Variants in MINK1 observed in about 807,000 individuals in gnomAD.
MINK1 encodes misshapen like kinase 1, also known as misshapen-like kinase 1.
A neutral mutation model predicts 178.4 loss-of-function variants in MINK1; 46 were observed. The ratio of observed to expected loss-of-function variants is 0.26; its 90% confidence interval spans 0.20 to 0.33. The LOEUF (loss-of-function observed/expected upper bound fraction) is 0.33, where lower values mean the gene tolerates loss of function less well. Among genes scored for constraint, MINK1 ranks in the 10% least tolerant of loss-of-function variants. MINK1 has a pLI of 1.00. For synonymous variants in MINK1, 797 were observed against 709.7 expected (o/e 1.12, Z -1.96); for missense variants, 1,366 against 1,814.9 (o/e 0.75, Z 4.49).
chr17:4,852,014 A>C (rs975624218), intron 1 of MINK1, among the ~76,000 whole-genome samples: 2 of 151,406 alleles, frequency 1.3e-5, no homozygotes, highest in Non-Finnish European at 2.9e-5. Flanking sequence ...AAAAAAAAAA[A>C]AAAAAAAAAA....
Position 4,895,249 on chromosome 17 carries a change from C to A in MINK1, c.3085+7C>A, listed in dbSNP as rs772909930. On this transcript the variant is annotated splice_region_variant and intron_variant, in intron 25 of 31. Coordinates refer to ENST00000355280, the MANE Select transcript of MINK1 (RefSeq NM_153827.5). This position sits in a 1 kb window ranked among gnomAD's most constrained non-coding sequence, Gnocchi z 4.3. ...CTCTGTGCAGCCCTTTGGGGTAAGC[C>A]AGGGCAGGGACAGCTGAGGAGGCTC... is the stretch of plus-strand genomic sequence containing the variant. The A allele has an allele frequency of 6.2e-7, 1 of 1,613,872 alleles. No homozygotes were observed. The highest frequency in any genetic ancestry group is 2.2e-5 in the East Asian group (1 of 44,896).
chr17:4,844,633 T>A (rs979829070), intron 1 of MINK1: 1 of 479,740 alleles, frequency 2.1e-6, no homozygotes, highest in African/African-American at 2.0e-5. Context: ...AATACAGAGC[T>A]CCACGGGGCT....
At position 4,887,844 on chromosome 17, in the gene MINK1, C is replaced by G; in HGVS notation, c.1230+54C>G. The G allele has an allele frequency of 2.2e-6, 3 of 1,390,706 alleles. No homozygotes were observed. Among genetic ancestry groups the G allele is most frequent in the South Asian group, 3.1e-5 (2 of 63,670 alleles). The allele number at this position is 1,390,706 out of a possible 1,614,324, so 86.1% of individuals were successfully genotyped here. A position where few individuals can be genotyped will look rare whatever the true frequency, so the allele number is the denominator to read the frequency against. ...GGCGCGGCCTCCTCCTGACCTGCCC[C>G]GGGTCCATTAGGGCCTTGGAGAACA... On this transcript the variant is annotated intron_variant, in intron 12 of 31. Coordinates refer to ENST00000355280, the MANE Select transcript of MINK1 (RefSeq NM_153827.5). The surrounding 1 kb of genome is among the most constrained non-coding windows in gnomAD (Gnocchi z 7.6).
Position 4,887,571 on chromosome 17 carries a change from C to G in MINK1, c.1020-9C>G. ...GACCCCAGTGCTTCTTTGTGCCACC[C>G]CTGCCCAGCTCCATCATGAACGTGC... On this transcript the variant is annotated splice_polypyrimidine_tract_variant and intron_variant, in intron 11 of 31. Coordinates refer to ENST00000355280, the MANE Select transcript of MINK1 (RefSeq NM_153827.5). This position sits in a 1 kb window ranked among gnomAD's most constrained non-coding sequence, Gnocchi z 7.6. 1 of 1,505,196 alleles carries G rather than the reference C, an allele frequency of 6.6e-7. No individual in the cohort carries two copies. Among genetic ancestry groups the G allele is most frequent in the Non-Finnish European group, 8.9e-7 (1 of 1,127,922 alleles). The allele number at this position is 1,505,196 out of a possible 1,614,324, so 93.2% of individuals were successfully genotyped here.
chr17:4,884,869 C>A, intron 5 of MINK1, 43 bp from the exon 6 acceptor site: 1 of 1,564,276 alleles, frequency 6.4e-7, no homozygotes, highest in East Asian at 2.2e-5. Context: ...CTTTCCTACC[C>A]CATCCAACAC....
At chr17:4,847,732 G>C (rs1384995117) in intron 1 of MINK1, among the ~76,000 whole-genome samples, 1 of 152,158 alleles carries the variant, frequency 6.6e-6, no homozygotes, top group African/African-American at 2.4e-5. Context: ...ACAGAAACGG[G>C]GGGTGCCAGT....
Position 4,892,820 on chromosome 17 carries a change from A to G in MINK1, c.2311+52A>G, listed in dbSNP as rs944507782. The G allele has an allele frequency of 1.1e-5, 17 of 1,510,492 alleles. No individual in the cohort carries two copies. In the African/African-American group the frequency reaches 2.4e-4, roughly 21 times the overall value. 93.6% of individuals were successfully genotyped at this position (1,510,492 alleles called of 1,614,324 possible). A position where few individuals can be genotyped will look rare whatever the true frequency, so the allele number is the denominator to read the frequency against. On this transcript the variant is annotated intron_variant, in intron 19 of 31. Transcript: ENST00000355280. ...GCTCTGGGCCTGGGGGCTTATCACC[A>G]TGGACCCTGCCTTTGGTGGCTTTGG...
At chr17:4,892,013 G>A (rs1968870463) in intron 16 of MINK1, 136 bp from the exon 17 acceptor site, 4 of 798,716 alleles carry the variant, frequency 5.0e-6, no homozygotes, top group South Asian at 4.7e-5. Flanking sequence ...AACCCTGGAC[G>A]TATTCACTAA....
chr17:4,864,843 C>T (rs554216206), intron 1 of MINK1, among the ~76,000 whole-genome samples: 3 of 152,298 alleles, frequency 2.0e-5, no homozygotes, highest in African/African-American at 7.2e-5. Context: ...TTACAGCACT[C>T]ATTGTTTAGA....
chr17:4,892,682 C>G lies in MINK1; in HGVS notation c.2225C>G (p.Pro742Arg), dbSNP rs755667301. The change falls in exon 19 of 32, where the codon CCT becomes CGT. Residue 742 changes from proline (P) to arginine (R), a missense_variant. By Grantham distance (103) the Pro-to-Arg change is moderately radical. Coordinates refer to ENST00000355280, the MANE Select transcript of MINK1 (RefSeq NM_153827.5). ...AACCCCGACCTCAGGAGGAGCGACC[C>G]TGGCTGGGAACGCTCGGACAGCGTC... ...SSNPDLRRSD[P>R]GWERSDSVLP... 3 of 1,610,884 alleles carry G rather than the reference C, an allele frequency of 1.9e-6. No individual in the cohort carries two copies. Among genetic ancestry groups the G allele is most frequent in the Non-Finnish European group, 8.5e-7 (1 of 1,178,864 alleles).
chr17:4,868,931 A>T (rs1915443100), intron 1 of MINK1: 1 of 201,428 alleles, frequency 5.0e-6, no homozygotes, highest in Non-Finnish European at 1.1e-5. Context: ...TTATTTATTT[A>T]TTTATTTTTT....
In MINK1 at chr17:4,894,386, C is replaced by A; in HGVS notation, c.2808+75C>A. 6.4e-7 allele frequency: 1 copy of A among 1,560,642 alleles called. No homozygotes were observed. The stretch of plus-strand genomic sequence containing the variant: ...GGCAGGAGGTCCCGGTGCTGGGTAA[C>A]GGCAGAGGATGGGGCGGAGCGCTGG... On this transcript the variant is annotated intron_variant, in intron 23 of 31. Coordinates refer to ENST00000355280, the MANE Select transcript of MINK1 (RefSeq NM_153827.5). The surrounding 1 kb of genome is among the most constrained non-coding windows in gnomAD (Gnocchi z 4.1).
chr17:4,864,015 C>T (rs1440366669), intron 1 of MINK1, among the ~76,000 whole-genome samples: 6 of 151,590 alleles, frequency 4.0e-5, no homozygotes, highest in Non-Finnish European at 8.8e-5. Context: ...TCTCAAACTT[C>T]TGACCTCAAA....
chr17:4,847,833 T>G (rs180887502), intron 1 of MINK1, among the ~76,000 whole-genome samples: 1 of 151,936 alleles, frequency 6.6e-6, no homozygotes, highest in Admixed American at 6.6e-5. Flanking sequence ...TGTTGGAGTG[T>G]GGGTATGGAG....
At chr17:4,890,151 C>T in intron 13 of MINK1, 1 of 679,702 alleles carries the variant, frequency 1.5e-6, no homozygotes, top group Non-Finnish European at 2.1e-6. Flanking sequence ...CTCCAACTCG[C>T]TGCTGCTGCC....
intron 1 of MINK1, among the ~76,000 whole-genome samples, chr17:4,835,338 G>T (rs1046099887): frequency 6.6e-6 from 1 of 152,086 alleles, no homozygotes; most frequent in Non-Finnish European, 1.5e-5. Flanking sequence ...ATAAAAAATG[G>T]GTGGGTCAGG....
intron 1 of MINK1, among the ~76,000 whole-genome samples, chr17:4,873,620 T>TTC (rs1966904238): frequency 2.7e-5 from 4 of 146,170 alleles, no homozygotes; most frequent in African/African-American, 7.5e-5. Context: ...TTCTTTTCTT[T>TTC]TTTTTTTTTT....
At chr17:4,859,441 T>C in intron 1 of MINK1, 1 of 508,472 alleles carries the variant, frequency 2.0e-6, no homozygotes, top group Non-Finnish European at 2.5e-6. Context: ...TCTCTCTGTG[T>C]TGGTGTCTGA....
chr17:4,871,285 G>A (rs1377664117), intron 1 of MINK1, among the ~76,000 whole-genome samples: 7 of 150,630 alleles, frequency 4.6e-5, no homozygotes, highest in African/African-American at 7.3e-5. Context: ...TCCGCTCCTG[G>A]GCTCAAGGGA....
Sources: allele counts gnomAD v4.1 joint callset (sites outside exome capture counted in the v4.1 genomes callset), GRCh38; gene constraint gnomAD v4.1.1; non-coding constraint Gnocchi (gnomAD v3.1); transcripts MANE v1.5; gene names NCBI Gene and HGNC (gene_info 2026-07-23, HGNC 2026-07-21).